CDH13: variants seen among roughly 807,000 people sequenced by gnomAD.
CDH13 encodes the protein cadherin-13.
CDH13 carries 24 observed loss-of-function variants against 63.8 expected under a neutral mutation model. That is an observed-to-expected ratio of 0.38 (90% CI 0.27 to 0.53). The LOEUF is 0.53. Among genes scored for constraint, CDH13 ranks in the 20% least tolerant of loss-of-function variants. The pLI is 0.85. For synonymous variants in CDH13, 503 were observed against 355.3 expected, an observed-to-expected ratio of 1.42 and a Z score of -4.67; for missense variants, 1,049 against 903.1, an observed-to-expected ratio of 1.16 and a Z score of -2.07.
chr16:83,564,012 T>C (rs777364944), intron 7 of CDH13, among the ~76,000 whole-genome samples: 1 of 152,206 alleles, frequency 6.6e-6, no homozygotes, highest in Admixed American at 6.5e-5. Context: ...AGTTTCTTCA[T>C]CTGCAAAATG....
At chr16:82,804,743 A>C (rs148047553) in intron 1 of CDH13, among the ~76,000 whole-genome samples, 1 of 152,206 alleles carries the variant, frequency 6.6e-6, no homozygotes, top group Non-Finnish European at 1.5e-5. Flanking sequence ...CTTTCCCCAA[A>C]TAGGTATCTC....
At chr16:82,893,746 C>T (rs1004898321) in intron 2 of CDH13, among the ~76,000 whole-genome samples, 3 of 152,178 alleles carry the variant, frequency 2.0e-5, no homozygotes, top group African/African-American at 4.8e-5. Context: ...CCTATTAGCT[C>T]GCTTACGTCT....
At position 83,492,105 on chromosome 16, in the gene CDH13, A is replaced by C. The variant is rs919040358; in HGVS notation, c.960+5450A>C. Among the ~76,000 whole-genome samples the C allele has an allele frequency of 3.3e-5, 5 of 152,152 alleles. No individual in the cohort carries two copies. The East Asian group carries it at 9.7e-4, about 29-fold the overall frequency. ...GAGAACTATGTATTTGGTCAAAATGACCCATGTTAAAATATTGTCACGTAG... is the reference window on the plus strand; with the variant it reads ...GAGAACTATGTATTTGGTCAAAATGCCCCATGTTAAAATATTGTCACGTAG... On this transcript the variant is annotated intron_variant, in intron 7 of 13. Transcript: ENST00000567109.
intron 1 of CDH13, among the ~76,000 whole-genome samples, chr16:82,673,194 G>T (rs759339900): frequency 6.6e-6 from 1 of 151,718 alleles, no homozygotes; most frequent in Non-Finnish European, 1.5e-5. Flanking sequence ...ACGAAGCCCC[G>T]GGTAGGAATT....
chr16:82,730,718 G>T (rs2033356924), intron 1 of CDH13, among the ~76,000 whole-genome samples: 1 of 152,190 alleles, frequency 6.6e-6, no homozygotes, highest in Non-Finnish European at 1.5e-5. Context: ...TGTAAAATAT[G>T]CAGTATCTGC....
chr16:83,048,080 C>T (rs1272672545), intron 3 of CDH13, among the ~76,000 whole-genome samples: 2 of 152,048 alleles, frequency 1.3e-5, no homozygotes, highest in African/African-American at 4.8e-5. Context: ...TAGCTGTATC[C>T]AAAAGGGTTA....
intron 5 of CDH13, among the ~76,000 whole-genome samples, chr16:83,252,355 A>G (rs1319841284): frequency 6.6e-6 from 1 of 150,462 alleles, no homozygotes; most frequent in Admixed American, 6.6e-5. Context: ...AGAATTTATT[A>G]GGATGTTATG....
chr16:83,157,944 G>C (rs1220333658), intron 4 of CDH13, among the ~76,000 whole-genome samples: 1 of 151,758 alleles, frequency 6.6e-6, no homozygotes, highest in Non-Finnish European at 1.5e-5. Flanking sequence ...AAAACAGAAA[G>C]AAATGTGTCC....
At chr16:83,523,660 G>T (rs1469360700) in intron 7 of CDH13, among the ~76,000 whole-genome samples, 19 of 152,160 alleles carry the variant, frequency 1.2e-4, no homozygotes, top group Admixed American at 9.8e-4. Context: ...TCAGTTCCCT[G>T]GCAGCTGGCT....
chr16:82,811,657 C>T (rs2037452189), intron 1 of CDH13, among the ~76,000 whole-genome samples: 1 of 152,136 alleles, frequency 6.6e-6, no homozygotes, highest in Non-Finnish European at 1.5e-5. Context: ...TAGAGACCAA[C>T]TAGAAGGTGA....
At chr16:83,475,006 G>C (rs1423517514) in intron 6 of CDH13, among the ~76,000 whole-genome samples, 1 of 152,256 alleles carries the variant, frequency 6.6e-6, no homozygotes, top group Non-Finnish European at 1.5e-5. Flanking sequence ...TGAGTGTCCA[G>C]GTGACCCCCT....
At chr16:83,791,824 A>C (rs1355754111) in intron 13 of CDH13, among the ~76,000 whole-genome samples, 1 of 151,966 alleles carries the variant, frequency 6.6e-6, no homozygotes, top group Admixed American at 6.6e-5. Context: ...AAAAAAAAAA[A>C]AAAAAAAGCC....
At chr16:83,384,504 C>G (rs1416487029) in intron 6 of CDH13, among the ~76,000 whole-genome samples, 1 of 152,246 alleles carries the variant, frequency 6.6e-6, no homozygotes, top group African/African-American at 2.4e-5. Context: ...CTGCAGGAAT[C>G]AACACCTTGA....
chr16:83,461,264 T>C (rs2073175247), intron 6 of CDH13, among the ~76,000 whole-genome samples: 1 of 152,130 alleles, frequency 6.6e-6, no homozygotes, highest in Non-Finnish European at 1.5e-5. Flanking sequence ...AATATATAGC[T>C]TTTAATGGAA....
chr16:83,129,291 C>T (rs1396937848), intron 4 of CDH13, among the ~76,000 whole-genome samples: 2 of 152,032 alleles, frequency 1.3e-5, no homozygotes, highest in South Asian at 2.1e-4. Context: ...TATTAGACTT[C>T]GATATAGAAT....
intron 6 of CDH13, among the ~76,000 whole-genome samples, chr16:83,438,043 C>T (rs1478832126): frequency 6.6e-6 from 1 of 152,132 alleles, no homozygotes; most frequent in Non-Finnish European, 1.5e-5. Flanking sequence ...CCCTACTCTC[C>T]CCTGTGCTAG....
intron 2 of CDH13, among the ~76,000 whole-genome samples, chr16:82,920,717 CT>C (rs1287268790): frequency 6.6e-6 from 1 of 152,142 alleles, no homozygotes; most frequent in Non-Finnish European, 1.5e-5. Context: ...TTTTTTCCCC[CT>C]CTCTTGGCTT....
chr16:83,399,444 T>C (rs746124467), intron 6 of CDH13, among the ~76,000 whole-genome samples: 1 of 152,204 alleles, frequency 6.6e-6, no homozygotes, highest in Non-Finnish European at 1.5e-5. Context: ...CTGCAGCCCT[T>C]TCAGCTTCTC....
At chr16:83,671,838 T>C (rs1914525175) in intron 9 of CDH13, among the ~76,000 whole-genome samples, 1 of 152,204 alleles carries the variant, frequency 6.6e-6, no homozygotes, top group South Asian at 2.1e-4. Context: ...CTCTAGCTCA[T>C]GCTGGTAATC....
Sources: gnomAD v4.1 joint callset for allele counts (sites outside exome capture counted in the v4.1 genomes callset) on GRCh38, gnomAD v4.1.1 for gene constraint, MANE v1.5 for transcripts, NCBI Gene and HGNC (gene_info 2026-07-23, HGNC 2026-07-21) for gene names.